The following DDX10 variants were observed in gnomAD, a reference collection of about 807,000 sequenced individuals.
DDX10 encodes the protein probable ATP-dependent RNA helicase DDX10.
In DDX10, 74 loss-of-function variants were observed where a neutral mutation model predicts 104.3. The ratio of observed to expected loss-of-function variants is 0.71; its 90% CI spans 0.59 to 0.86. DDX10 has a LOEUF of 0.86. Ranked by LOEUF, DDX10 falls within the 40% of genes least tolerant of loss-of-function variation. The pLI, the probability that DDX10 is intolerant of heterozygous loss-of-function variation, is 0.00. For synonymous variants in DDX10, 351 were observed against 353.4 expected (o/e 0.99, Z 0.08); for missense variants, 952 against 1,040.0 (o/e 0.92, Z 1.16).
chr11:108,694,031 G>A (rs77751192), intron 9 of DDX10, among the ~76,000 whole-genome samples: 6,328 of 152,166 alleles, frequency 0.042, 361 homozygotes, highest in African/African-American at 0.13. Context: ...AAGTGGGTGG[G>A]GTCTTAAGCG....
chr11:108,869,152 A>G (rs1453190473), intron 16 of DDX10, among the ~76,000 whole-genome samples: 1 of 151,908 alleles, frequency 6.6e-6, no homozygotes. Context: ...ATTAAAAGCC[A>G]TGCACACAAT....
chr11:108,900,371 T>A (rs1380592200), intron 16 of DDX10, among the ~76,000 whole-genome samples: 1 of 152,202 alleles, frequency 6.6e-6, no homozygotes, highest in Non-Finnish European at 1.5e-5. Flanking sequence ...CTACTACAGA[T>A]ATTTTGACTA....
intron 15 of DDX10, among the ~76,000 whole-genome samples, chr11:108,848,153 A>T (rs1264375334): frequency 6.6e-6 from 1 of 152,198 alleles, no homozygotes; most frequent in African/African-American, 2.4e-5. Context: ...ATAAATTAAG[A>T]ATAAATTAAA....
At chr11:108,726,123 T>A (rs1251020724) in intron 13 of DDX10, among the ~76,000 whole-genome samples, 1 of 152,030 alleles carries the variant, frequency 6.6e-6, no homozygotes, top group Non-Finnish European at 1.5e-5. Context: ...ATAACACCAA[T>A]CTTGATTAGT....
intron 17 of DDX10, chr11:108,920,216 C>A (rs548811890): frequency 1.3e-5 from 2 of 152,182 alleles, no homozygotes; most frequent in Admixed American, 6.5e-5. Context: ...TGGTGATGAA[C>A]AAGAAGGTAG....
At chr11:108,696,757 A>G (rs1247791558) in intron 9 of DDX10, among the ~76,000 whole-genome samples, 3 of 151,878 alleles carry the variant, frequency 2.0e-5, no homozygotes, top group African/African-American at 7.3e-5. Flanking sequence ...GTATTCTTTA[A>G]TGTGATTATT....
chr11:108,701,675 C>CTTTTTTTTTTTTTTT (rs55916940), intron 9 of DDX10, among the ~76,000 whole-genome samples: 20 of 77,412 alleles, frequency 2.6e-4, no homozygotes, highest in East Asian at 8.9e-4. Context: ...TTCTTCTTCT[C>CTTTTTTTTTTTTTTT]TTTTTTTTTT....
intron 13 of DDX10, among the ~76,000 whole-genome samples, chr11:108,790,924 A>G (rs748310354): frequency 6.6e-6 from 1 of 152,230 alleles, no homozygotes; most frequent in African/African-American, 2.4e-5. Flanking sequence ...CCATTTATCT[A>G]CAGAATAAAA....
In DDX10 at chr11:108,698,905, A is replaced by G. The variant is rs573257789; in HGVS notation, c.1223+5305A>G. Among the ~76,000 whole-genome samples, 3 of 152,194 alleles carry G rather than the reference A, an allele frequency of 2.0e-5. No homozygotes were observed. The East Asian group carries it at 5.8e-4, about 29-fold the overall frequency. ...GCGTGCTTTTGCCCGTAGGGCCTTT[A>G]TACTGGTGCTGTCTCTTTTCTGCTG... On this transcript the variant is annotated intron_variant, in intron 9 of 17. Coordinates refer to ENST00000322536, the MANE Select transcript of DDX10 (RefSeq NM_004398.4).
In DDX10 at chr11:108,723,143, G is replaced by T; in HGVS notation, c.1646G>T (p.Arg549Ile). ...SLTNDEVEEF[R>I]AYFNEKMSIL... ...ACCAATGACGAAGTGGAAGAATTTAGAGCCTACTTCAATGAGAAAATGTCC... is the reference window on the plus strand; with the variant it reads ...ACCAATGACGAAGTGGAAGAATTTATAGCCTACTTCAATGAGAAAATGTCC... The change falls in exon 13 of 18, where the codon AGA (arginine) becomes ATA (isoleucine). Residue 549 changes from arginine to isoleucine, a missense_variant. Transcript: ENST00000322536. The T allele has an allele frequency of 6.2e-7, 1 of 1,613,842 alleles. No individual in the cohort carries two copies. The highest frequency in any genetic ancestry group is 8.5e-7 in the Non-Finnish European group (1 of 1,179,884).
intron 13 of DDX10, among the ~76,000 whole-genome samples, chr11:108,829,368 C>T (rs1304016102): frequency 6.6e-6 from 1 of 152,120 alleles, no homozygotes; most frequent in African/African-American, 2.4e-5. Context: ...GAGCATTTTT[C>T]CACATGCTTA....
At chr11:108,930,174 G>A (rs995006912) in intron 17 of DDX10, among the ~76,000 whole-genome samples, 1 of 152,102 alleles carries the variant, frequency 6.6e-6, no homozygotes, top group East Asian at 1.9e-4. Flanking sequence ...TTCTCTTTCC[G>A]AATCCCTTGC....
chr11:108,877,410 G>A (rs1028266214), intron 16 of DDX10, among the ~76,000 whole-genome samples: 4 of 151,984 alleles, frequency 2.6e-5, no homozygotes, highest in African/African-American at 9.7e-5. Flanking sequence ...CAGCACGAGT[G>A]GAATCTCATT....
chr11:108,896,894 G>T (rs1863449262), intron 16 of DDX10, among the ~76,000 whole-genome samples: 1 of 151,110 alleles, frequency 6.6e-6, no homozygotes, highest in East Asian at 1.9e-4. Flanking sequence ...TAGAGAAATA[G>T]GATCCAAAAG....
At chr11:108,934,562 AT>A (rs774685552) in intron 17 of DDX10, among the ~76,000 whole-genome samples, 4 of 152,194 alleles carry the variant, frequency 2.6e-5, no homozygotes, top group Non-Finnish European at 4.4e-5. Context: ...GGAAATGAAC[AT>A]TTATGTAATG....
At chr11:108,822,454 A>T (rs575176070) in intron 13 of DDX10, 2 of 361,324 alleles carry the variant, frequency 5.5e-6, no homozygotes, top group South Asian at 4.9e-5. Context: ...CAAATAGTGC[A>T]TCAGTGTATC....
chr11:108,824,936 G>A (rs939205664), intron 13 of DDX10, among the ~76,000 whole-genome samples: 6 of 152,058 alleles, frequency 3.9e-5, no homozygotes, highest in East Asian at 3.9e-4. Context: ...CTTAACTATT[G>A]TAACACTATA....
At chr11:108,772,120 G>A (rs1200385949) in intron 13 of DDX10, among the ~76,000 whole-genome samples, 5 of 152,194 alleles carry the variant, frequency 3.3e-5, no homozygotes, top group African/African-American at 9.6e-5. Flanking sequence ...ACTTCACTAT[G>A]CAGCAGAAGT....
chr11:108,880,477 T>A (rs1863213203), intron 16 of DDX10, among the ~76,000 whole-genome samples: 2 of 152,140 alleles, frequency 1.3e-5, no homozygotes, highest in Admixed American at 1.3e-4. Context: ...TAATTAGACA[T>A]CATCTTAATC....
Sources: allele counts gnomAD v4.1 joint callset (sites outside exome capture counted in the v4.1 genomes callset), GRCh38; gene constraint gnomAD v4.1.1; transcripts MANE v1.5; gene names NCBI Gene and HGNC (gene_info 2026-07-23, HGNC 2026-07-21).